DOCK4: variants seen among roughly 807,000 people sequenced by gnomAD.
The protein encoded by DOCK4 is dedicator of cytokinesis protein 4.
In DOCK4, 97 loss-of-function variants were observed where a neutral mutation model predicts 268.1. The ratio of observed to expected loss-of-function variants is 0.36; its 90% CI spans 0.31 to 0.43. DOCK4 has a LOEUF of 0.43. Ranked by LOEUF, DOCK4 falls within the 20% of genes least tolerant of loss-of-function variation. The pLI is 1.00. For missense variants in DOCK4, 2,145 were observed against 2,455.7 expected (o/e 0.87, Z 2.67); for synonymous variants, 954 against 887.2 (o/e 1.08, Z -1.34).
chr7:111,838,819 T>C (rs907277922), intron 25 of DOCK4, among the ~76,000 whole-genome samples: 4 of 152,164 alleles, frequency 2.6e-5, no homozygotes, highest in African/African-American at 9.7e-5. Flanking sequence ...AATACACATA[T>C]GTCAAAACTA....
chr7:111,747,579 A>T, intron 42 of DOCK4, 136 bp from the exon 43 acceptor site: 1 of 816,882 alleles, frequency 1.2e-6, no homozygotes, highest in Non-Finnish European at 1.9e-6. Context: ...GCCATTCCGT[A>T]GAATAGACAA....
At chr7:112,194,799 C>A (rs1820271823) in intron 1 of DOCK4, among the ~76,000 whole-genome samples, 1 of 152,176 alleles carries the variant, frequency 6.6e-6, no homozygotes, top group African/African-American at 2.4e-5. Flanking sequence ...CAATTCTTCA[C>A]CTCTGATAAG....
chr7:111,758,399 GAGT>G lies in DOCK4; in HGVS notation c.4329+222_4329+224del, dbSNP rs1352928415. On this transcript the variant is annotated intron_variant, in intron 41 of 52. Transcript: ENST00000428084. ...TTTAGGACCTCCTCCCAGACCAACT[GAGT>G]CAGAATTCCTGAGCTGGGCACCAGA... Among the ~76,000 whole-genome samples the G allele has an allele frequency of 2.6e-5, 4 of 152,172 alleles. No individual in the cohort carries two copies. The East Asian group carries it at 7.7e-4, about 29-fold the overall frequency.
intron 25 of DOCK4, among the ~76,000 whole-genome samples, chr7:111,843,702 T>C (rs999742376): frequency 6.6e-6 from 1 of 152,198 alleles, no homozygotes; most frequent in Non-Finnish European, 1.5e-5. Flanking sequence ...ATATATAAAC[T>C]GCCAGATGTA....
At chr7:111,915,373 G>A (rs1792499209) in intron 13 of DOCK4, among the ~76,000 whole-genome samples, 2 of 152,102 alleles carry the variant, frequency 1.3e-5, no homozygotes, top group African/African-American at 2.4e-5. Context: ...TGTTCAGTAC[G>A]TTTTTATCAA....
chr7:111,769,195 A>C (rs1263622483), intron 37 of DOCK4, among the ~76,000 whole-genome samples: 1 of 152,164 alleles, frequency 6.6e-6, no homozygotes, highest in Admixed American at 6.5e-5. Context: ...GTTACTGGGG[A>C]TCAAAATCTC....
chr7:111,983,862 G>A (rs29463), intron 7 of DOCK4, among the ~76,000 whole-genome samples: 76,602 of 138,198 alleles, frequency 0.55, 21,797 homozygotes, highest in East Asian at 0.7. Context: ...GCGCGCGCGC[G>A]CACACACACA....
intron 41 of DOCK4, 107 bp from the exon 42 acceptor site, chr7:111,755,708 A>T: frequency 4.0e-6 from 4 of 990,852 alleles, no homozygotes; most frequent in Non-Finnish European, 6.2e-6. Context: ...TATTCCTGTC[A>T]GCCTTTCTTT....
At chr7:112,159,841 C>CATAATATTATGTATATATATAT (rs1563143248) in intron 1 of DOCK4, among the ~76,000 whole-genome samples, 1,898 of 147,816 alleles carry the variant, frequency 0.013, 45 homozygotes, top group African/African-American at 0.044. Flanking sequence ...TATATATATA[C>CATAATATTATGTATATATATAT]ATAATATATA....
At chr7:112,023,126 A>C (rs1481762824) in intron 1 of DOCK4, among the ~76,000 whole-genome samples, 1 of 151,998 alleles carries the variant, frequency 6.6e-6, no homozygotes, top group Non-Finnish European at 1.5e-5. Flanking sequence ...ATGGCGTTTC[A>C]CCATGCTGGC....
intron 1 of DOCK4, among the ~76,000 whole-genome samples, chr7:112,071,449 GATTAAT>G (rs1017047790): frequency 3.0e-4 from 46 of 152,190 alleles, no homozygotes; most frequent in African/African-American, 1.1e-3. Flanking sequence ...GCATCATTAA[GATTAAT>G]ATTAATAGTC....
At chr7:112,136,196 G>A (rs186202281) in intron 1 of DOCK4, among the ~76,000 whole-genome samples, 21 of 152,026 alleles carry the variant, frequency 1.4e-4, no homozygotes, top group Admixed American at 7.2e-4. Context: ...GAATGAAACC[G>A]GTTTCATTTT....
intron 47 of DOCK4, among the ~76,000 whole-genome samples, chr7:111,740,729 TAAAAAAAAAA>T (rs59019816): frequency 1.3e-3 from 21 of 16,486 alleles, no homozygotes; most frequent in East Asian, 3.0e-3. Context: ...TGAGACTCGC[TAAAAAAAAAA>T]AAAAAAAAAA....
chr7:112,011,419 G>C (rs549583307), intron 1 of DOCK4, among the ~76,000 whole-genome samples: 1 of 152,248 alleles, frequency 6.6e-6, no homozygotes, highest in East Asian at 1.9e-4. Flanking sequence ...CTTTCTAAGG[G>C]AGAAGAAAAA....
At chr7:112,013,421 G>A (rs573687532) in intron 1 of DOCK4, among the ~76,000 whole-genome samples, 46 of 152,306 alleles carry the variant, frequency 3.0e-4, no homozygotes, top group African/African-American at 1.1e-3. Context: ...TTCTCAAGGA[G>A]ATAGGGGAGC....
At chr7:111,963,177 T>C (rs896852104) in intron 8 of DOCK4, among the ~76,000 whole-genome samples, 3 of 152,150 alleles carry the variant, frequency 2.0e-5, no homozygotes, top group African/African-American at 4.8e-5. Context: ...CACTGGTCCA[T>C]AAAAATTTAC....
intron 30 of DOCK4, among the ~76,000 whole-genome samples, chr7:111,795,236 G>T (rs1053150933): frequency 6.6e-6 from 1 of 152,092 alleles, no homozygotes; most frequent in African/African-American, 2.4e-5. Context: ...GGGAGGCTGA[G>T]GCAGGAGGAT....
chr7:112,188,891 G>T (rs954580628), intron 1 of DOCK4, among the ~76,000 whole-genome samples: 1 of 152,236 alleles, frequency 6.6e-6, no homozygotes, highest in Admixed American at 6.5e-5. Context: ...TATTTTCTCA[G>T]TATCAAGTCA....
intron 1 of DOCK4, among the ~76,000 whole-genome samples, chr7:112,097,680 G>C (rs549711837): frequency 6.6e-6 from 1 of 152,200 alleles, no homozygotes; most frequent in African/African-American, 2.4e-5. Context: ...ATTCTGATCA[G>C]TATTGTTTGT....
Sources: allele counts gnomAD v4.1 joint callset (sites outside exome capture counted in the v4.1 genomes callset), GRCh38; gene constraint gnomAD v4.1.1; transcripts MANE v1.5; gene names NCBI Gene and HGNC (gene_info 2026-07-23, HGNC 2026-07-21).